ATP6V1H: variants seen among roughly 807,000 people sequenced by gnomAD.
ATP6V1H encodes V-type proton ATPase subunit H.
ATP6V1H carries 39 observed loss-of-function variants against 71.7 expected under a neutral mutation model. The ratio of observed to expected loss-of-function variants is 0.54; its 90% CI spans 0.42 to 0.71. The LOEUF (loss-of-function observed/expected upper bound fraction) is 0.71. Ranked by LOEUF, ATP6V1H falls within the 30% of genes least tolerant of loss-of-function variation. The probability of loss-of-function intolerance (pLI) is 0.00; values close to 1 mark genes in which losing one functional copy is unlikely to be tolerated. For missense variants in ATP6V1H, 509 were observed against 594.9 expected (o/e 0.86, Z 1.50); for synonymous variants, 192 against 199.3 (o/e 0.96, Z 0.31).
At chr8:53,733,595 G>A (rs1366260874) in intron 13 of ATP6V1H, among the ~76,000 whole-genome samples, 8 of 152,314 alleles carry the variant, frequency 5.3e-5, no homozygotes, top group African/African-American at 1.9e-4. Flanking sequence ...CTATCCGACA[G>A]GGGGAGCGCA....
chr8:53,753,066 T>G (rs1395565384), intron 12 of ATP6V1H, among the ~76,000 whole-genome samples: 1 of 148,224 alleles, frequency 6.7e-6, no homozygotes. Context: ...CCTATAACCA[T>G]GAGAGAAACC....
chr8:53,729,806 C>T (rs1484175001), intron 13 of ATP6V1H, among the ~76,000 whole-genome samples: 1 of 152,210 alleles, frequency 6.6e-6, no homozygotes, highest in Non-Finnish European at 1.5e-5. Context: ...GGAAGTCCTT[C>T]AAAGTCCTCT....
At position 53,757,606 on chromosome 8, in the gene ATP6V1H, A is replaced by G. The variant is rs188068602; in HGVS notation, c.1176-950T>C. Among the ~76,000 whole-genome samples the G allele has an allele frequency of 8.5e-5, 13 of 152,366 alleles. No individual in the cohort carries two copies. The East Asian group carries it at 2.5e-3, about 29-fold the overall frequency. Reference sequence around the variant, plus strand: ...TTTTAAATGGCTTGGTAGAAGACCAATATATAAAAACAACTCTTTCTAATA... The same window carrying G: ...TTTTAAATGGCTTGGTAGAAGACCAGTATATAAAAACAACTCTTTCTAATA... On this transcript the variant is annotated intron_variant, in intron 11 of 13. Transcript: ENST00000359530.
intron 13 of ATP6V1H, among the ~76,000 whole-genome samples, chr8:53,735,171 G>A (rs1009754448): frequency 6.6e-6 from 1 of 152,068 alleles, no homozygotes; most frequent in Non-Finnish European, 1.5e-5. Flanking sequence ...TCACAGAAAT[G>A]CCAAAATGTG....
chr8:53,755,713 TATATATATATATATATATATATATATATA>T lies in ATP6V1H; in HGVS notation c.1277+813_1277+841del, dbSNP rs1563451062. The stretch of plus-strand genomic sequence containing the variant: ...ATATATATATATATATATATATATA[TATATATATATATATATATATATATATATA>T]TATTTTTTTTTTTTTTTTTTTTTTT... On this transcript the variant is annotated intron_variant, in intron 12 of 13. Coordinates refer to ENST00000359530, the MANE Select transcript of ATP6V1H (RefSeq NM_015941.4). Among the ~76,000 whole-genome samples, 30 of 6,104 alleles carry T rather than the reference TATATATATATATATATATATATATATATA, an allele frequency of 4.9e-3. 1 individual carries two copies. Among genetic ancestry groups the T allele is most frequent in the East Asian group, 0.018 (4 of 228 alleles). 4.0% of individuals were successfully genotyped at this position (6,104 alleles called of 152,430 possible).
intron 9 of ATP6V1H, among the ~76,000 whole-genome samples, chr8:53,781,168 G>A (rs1809113040): frequency 1.3e-5 from 2 of 152,172 alleles, no homozygotes; most frequent in African/African-American, 4.8e-5. Context: ...CAGTGTAAAA[G>A]TGTTCCTATT....
At chr8:53,772,696 A>G (rs1808710156) in intron 9 of ATP6V1H, among the ~76,000 whole-genome samples, 1 of 152,184 alleles carries the variant, frequency 6.6e-6, no homozygotes, top group African/African-American at 2.4e-5. Context: ...CAAATTCCCG[A>G]GTTCTCTTCT....
At chr8:53,740,580 T>C (rs1053124800) in intron 13 of ATP6V1H, among the ~76,000 whole-genome samples, 2 of 152,222 alleles carry the variant, frequency 1.3e-5, no homozygotes, top group African/African-American at 4.8e-5. Flanking sequence ...AAAACTCCAC[T>C]GTATTTTCAA....
chr8:53,826,012 T>C (rs1810814194), intron 4 of ATP6V1H, among the ~76,000 whole-genome samples: 1 of 152,160 alleles, frequency 6.6e-6, no homozygotes, highest in South Asian at 2.1e-4. Flanking sequence ...CAGAGATATA[T>C]GCCTAATATA....
chr8:53,840,715 TACA>T (rs1241142248), intron 2 of ATP6V1H, among the ~76,000 whole-genome samples: 4 of 152,294 alleles, frequency 2.6e-5, no homozygotes, highest in South Asian at 4.1e-4. Flanking sequence ...AGATCCCTCC[TACA>T]ACAACACAAA....
chr8:53,812,935 T>C (rs985692705), intron 6 of ATP6V1H, among the ~76,000 whole-genome samples: 2 of 152,120 alleles, frequency 1.3e-5, no homozygotes, highest in Non-Finnish European at 2.9e-5. Flanking sequence ...GCTCAAGTAA[T>C]TGGCCTGCCT....
At chr8:53,810,556 T>G (rs1810240726) in intron 7 of ATP6V1H, among the ~76,000 whole-genome samples, 1 of 152,076 alleles carries the variant, frequency 6.6e-6, no homozygotes, top group African/African-American at 2.4e-5. Flanking sequence ...TCTGGCCAAC[T>G]TGGTGAAACC....
At chr8:53,718,384 A>ATTTTT (rs35145366) in intron 13 of ATP6V1H, among the ~76,000 whole-genome samples, 42 of 121,790 alleles carry the variant, frequency 3.4e-4, no homozygotes, top group East Asian at 1.7e-3. Context: ...CTCCTACACA[A>ATTTTT]TTTTTTTTTT....
At chr8:53,809,125 CA>C (rs1170361932) in intron 7 of ATP6V1H, among the ~76,000 whole-genome samples, 2 of 152,198 alleles carry the variant, frequency 1.3e-5, no homozygotes, top group Admixed American at 6.5e-5. Context: ...TCCATTTCTT[CA>C]GAGTCTCTGT....
At chr8:53,793,937 T>TA (rs1280446517) in intron 9 of ATP6V1H, among the ~76,000 whole-genome samples, 2 of 151,700 alleles carry the variant, frequency 1.3e-5, no homozygotes, top group South Asian at 2.1e-4. Flanking sequence ...AGACTGTCTT[T>TA]AAAAAAACAA....
At position 53,827,143 on chromosome 8, in the gene ATP6V1H, A is replaced by G. The variant is rs1194090304; in HGVS notation, c.306+2301T>C. On this transcript the variant is annotated intron_variant, in intron 4 of 13. Transcript: ENST00000359530. ...ACTCCTGTAATCCCAGCACTTTGGG[A>G]GGCCGAGGTGGGCAGATCACCTAAG... Among the ~76,000 whole-genome samples the G allele has an allele frequency of 2.6e-5, 4 of 152,198 alleles. No homozygotes were observed. In the East Asian group the frequency reaches 7.7e-4, roughly 29 times the overall value.
At chr8:53,795,916 C>T in intron 8 of ATP6V1H, 77 bp from the exon 9 acceptor site, 1 of 1,305,164 alleles carries the variant, frequency 7.7e-7, no homozygotes, top group South Asian at 1.4e-5. Context: ...TCTCTTTTTG[C>T]ACTAATGGAA....
At chr8:53,840,684 A>G (rs117540749) in intron 2 of ATP6V1H, among the ~76,000 whole-genome samples, 3 of 152,200 alleles carry the variant, frequency 2.0e-5, no homozygotes, top group African/African-American at 4.8e-5. Context: ...CAGAAATTAA[A>G]GGATCATTTT....
intron 13 of ATP6V1H, among the ~76,000 whole-genome samples, chr8:53,741,085 ACTCT>A (rs1260582561): frequency 2.6e-5 from 4 of 152,172 alleles, no homozygotes; most frequent in Non-Finnish European, 5.9e-5. Context: ...AAAAAAGAAT[ACTCT>A]CTCATAAAGA....
Sources: allele counts gnomAD v4.1 joint callset (sites outside exome capture counted in the v4.1 genomes callset), GRCh38; gene constraint gnomAD v4.1.1; transcripts MANE v1.5; gene names NCBI Gene and HGNC (gene_info 2026-07-23, HGNC 2026-07-21).